Variants in NAV3 observed in about 807,000 individuals in gnomAD.
The protein encoded by NAV3 is pore membrane and/or filament interacting like protein 1.
NAV3 carries 87 observed loss-of-function variants against 244.7 expected under a neutral mutation model. The ratio of observed to expected loss-of-function variants is 0.36; its 90% confidence interval spans 0.30 to 0.42. NAV3 has a LOEUF of 0.42. Ranked by LOEUF, NAV3 falls within the 20% of genes least tolerant of loss-of-function variation. The pLI, the probability that NAV3 is intolerant of heterozygous loss-of-function variation, is 1.00. For synonymous variants in NAV3, 1,126 were observed against 1,042.2 expected, an observed-to-expected ratio of 1.08 and a Z score of -1.55; for missense variants, 2,663 against 2,893.3, an observed-to-expected ratio of 0.92 and a Z score of 1.83.
At chr12:77,593,783 T>A (rs780861031) in intron 2 of NAV3, among the ~76,000 whole-genome samples, 2 of 151,672 alleles carry the variant, frequency 1.3e-5, no homozygotes, top group Non-Finnish European at 2.9e-5. Flanking sequence ...CTCTCCCTTG[T>A]GATTTTTAGA....
chr12:78,095,084 C>T (rs1305383183), intron 12 of NAV3, among the ~76,000 whole-genome samples: 62 of 135,002 alleles, frequency 4.6e-4, no homozygotes, highest in African/African-American at 1.3e-3. Flanking sequence ...CACACACACA[C>T]ACACATATAT....
At chr12:77,888,596 T>C (rs1244608538) in intron 1 of NAV3, among the ~76,000 whole-genome samples, 2 of 152,194 alleles carry the variant, frequency 1.3e-5, no homozygotes, top group Admixed American at 6.5e-5. Flanking sequence ...CATAAGTTAA[T>C]AGCCTCATTA....
chr12:77,957,748 T>G (rs2137771401), intron 3 of NAV3, among the ~76,000 whole-genome samples: 1 of 152,192 alleles, frequency 6.6e-6, no homozygotes, highest in Admixed American at 6.5e-5. Flanking sequence ...CGCTGCAACC[T>G]TTGCCTCGCA....
chr12:77,685,086 C>T (rs750834576), intron 2 of NAV3, among the ~76,000 whole-genome samples: 1 of 151,996 alleles, frequency 6.6e-6, no homozygotes, highest in Non-Finnish European at 1.5e-5. Flanking sequence ...TTCATTCTTC[C>T]TTTTTAAGAT....
intron 2 of NAV3, among the ~76,000 whole-genome samples, chr12:77,799,844 A>G (rs532502500): frequency 6.6e-6 from 1 of 152,260 alleles, no homozygotes; most frequent in Non-Finnish European, 1.5e-5. Context: ...ATATGTATAT[A>G]TATAAAATAT....
At chr12:77,600,974 T>C (rs1369065261) in intron 2 of NAV3, among the ~76,000 whole-genome samples, 1 of 152,004 alleles carries the variant, frequency 6.6e-6, no homozygotes, top group Non-Finnish European at 1.5e-5. Context: ...TGAAAGAAGA[T>C]ACAAATTATC....
chr12:77,688,906 C>T (rs372029847), intron 2 of NAV3, among the ~76,000 whole-genome samples: 2 of 151,886 alleles, frequency 1.3e-5, no homozygotes, highest in South Asian at 2.1e-4. Flanking sequence ...AAGTGATAAG[C>T]CAACTGAAAT....
At chr12:77,802,309 C>T (rs149990719) in intron 2 of NAV3, among the ~76,000 whole-genome samples, 107 of 152,236 alleles carry the variant, frequency 7.0e-4, no homozygotes, top group Non-Finnish European at 1.3e-3. Context: ...AAAAGAGACA[C>T]GAGTAACTTT....
At chr12:77,729,873 G>A (rs7959255) in intron 2 of NAV3, among the ~76,000 whole-genome samples, 3,528 of 152,064 alleles carry the variant, frequency 0.023, 135 homozygotes, top group African/African-American at 0.079. Flanking sequence ...TAGATACCAA[G>A]TAGAGAAGCC....
chr12:77,784,703 C>T (rs565531907), intron 2 of NAV3, among the ~76,000 whole-genome samples: 133 of 152,112 alleles, frequency 8.7e-4, no homozygotes, highest in African/African-American at 2.9e-3. Flanking sequence ...AAAATATGGT[C>T]GCTGATCAGA....
At chr12:78,046,280 TTTG>T (rs1881781522) in intron 9 of NAV3, among the ~76,000 whole-genome samples, 1 of 152,216 alleles carries the variant, frequency 6.6e-6, no homozygotes, top group Admixed American at 6.5e-5. Context: ...AGCTTTTGAA[TTTG>T]TTTGCTCTTG....
At chr12:77,858,752 A>G (rs902539224) in intron 1 of NAV3, among the ~76,000 whole-genome samples, 1 of 152,010 alleles carries the variant, frequency 6.6e-6, no homozygotes, top group African/African-American at 2.4e-5. Flanking sequence ...ATCTTGCTAC[A>G]TAAGCATCCA....
chr12:77,684,854 G>A (rs1483650418), intron 2 of NAV3, among the ~76,000 whole-genome samples: 1 of 151,970 alleles, frequency 6.6e-6, no homozygotes, highest in Non-Finnish European at 1.5e-5. Flanking sequence ...TATAAATCAT[G>A]GTTCCGTTTT....
intron 3 of NAV3, among the ~76,000 whole-genome samples, chr12:77,960,969 T>A (rs1349967754): frequency 6.8e-6 from 1 of 146,728 alleles, no homozygotes; most frequent in Non-Finnish European, 1.5e-5. Flanking sequence ...ATGTAATATA[T>A]GTATATATGT....
At chr12:77,904,833 C>A (rs11107287) in intron 1 of NAV3, among the ~76,000 whole-genome samples, 54,619 of 151,694 alleles carry the variant, frequency 0.36, 10,351 homozygotes, top group African/African-American at 0.47. Flanking sequence ...ATGACTTTTT[C>A]ATTACACTTA....
At chr12:78,038,443 G>C (rs957814180) in intron 9 of NAV3, among the ~76,000 whole-genome samples, 5 of 152,152 alleles carry the variant, frequency 3.3e-5, no homozygotes, top group South Asian at 2.1e-4. Flanking sequence ...AGACCCTCCT[G>C]TTACAAGATG....
intron 2 of NAV3, among the ~76,000 whole-genome samples, chr12:77,686,408 TTTTC>T (rs1293792451): frequency 4.5e-5 from 6 of 132,756 alleles, no homozygotes; most frequent in African/African-American, 1.4e-4. Flanking sequence ...TTTTCTTTTC[TTTTC>T]TTTCTTTCTT....
chr12:77,901,963 T>C (rs994225639), intron 1 of NAV3, among the ~76,000 whole-genome samples: 1 of 152,200 alleles, frequency 6.6e-6, no homozygotes, highest in Admixed American at 6.5e-5. Context: ...CATATGTATA[T>C]GCTTAATAGT....
intron 3 of NAV3, among the ~76,000 whole-genome samples, chr12:77,964,264 C>T (rs1228238396): frequency 6.6e-6 from 1 of 152,016 alleles, no homozygotes; most frequent in African/African-American, 2.4e-5. Context: ...CTAATCTGTT[C>T]ATGTATAATA....
Sources: gnomAD v4.1 joint callset for allele counts (sites outside exome capture counted in the v4.1 genomes callset) on GRCh38, gnomAD v4.1.1 for gene constraint, MANE v1.5 for transcripts, NCBI Gene and HGNC (gene_info 2026-07-23, HGNC 2026-07-21) for gene names.